The following MBNL1 variants were observed in gnomAD, a reference collection of about 807,000 sequenced individuals.
The protein encoded by MBNL1 is muscleblind like splicing regulator 1, also known as muscleblind-like protein 1.
Under a neutral mutation model 42.2 loss-of-function variants are expected in MBNL1, and 8 were observed. That is an observed-to-expected ratio of 0.19 (90% CI 0.11 to 0.34). The LOEUF (loss-of-function observed/expected upper bound fraction) is 0.34. MBNL1 is among the 10% of genes least tolerant of loss of function. MBNL1 has a pLI of 1.00. For missense variants in MBNL1, 309 were observed against 495.3 expected (o/e 0.62, Z 3.57); for synonymous variants, 169 against 173.9 (o/e 0.97, Z 0.22).
At chr3:152,403,741 C>T (rs1186117432) in intron 2 of MBNL1, among the ~76,000 whole-genome samples, 1 of 152,086 alleles carries the variant, frequency 6.6e-6, no homozygotes. Flanking sequence ...TTTCTTTACC[C>T]TTACTGCTTA....
intron 2 of MBNL1, among the ~76,000 whole-genome samples, chr3:152,360,235 A>G (rs9875093): frequency 6.6e-6 from 1 of 152,052 alleles, no homozygotes; most frequent in Non-Finnish European, 1.5e-5. Context: ...CTCCTCCAAT[A>G]AATCTTTCAT....
In MBNL1 at chr3:152,285,338, A is replaced by G. The variant is rs549559087; in HGVS notation, c.-789-14067A>G. Among the ~76,000 whole-genome samples, 10 of 152,326 alleles carry G rather than the reference A, an allele frequency of 6.6e-5. No homozygotes were observed. The South Asian group carries it at 1.9e-3, about 28-fold the overall frequency. ...TGAATGAAGTTTTACATTTGAAATC[A>G]GAAGAGCTGATTTGGAGTTCTGGTT... On this transcript the variant is annotated intron_variant, in intron 1 of 9. Transcript: ENST00000324210.
At chr3:152,300,951 C>G (rs1244352005) in intron 2 of MBNL1, 5 of 980,950 alleles carry the variant, frequency 5.1e-6, no homozygotes, top group Non-Finnish European at 6.1e-6. Flanking sequence ...AGCACCTTAC[C>G]TGAGGCACAA....
intron 2 of MBNL1, among the ~76,000 whole-genome samples, chr3:152,405,133 A>T (rs567219657): frequency 6.6e-6 from 1 of 152,320 alleles, no homozygotes; most frequent in South Asian, 2.1e-4. Flanking sequence ...AAAGGGTTGA[A>T]GACTTCCATT....
intron 6 of MBNL1, among the ~76,000 whole-genome samples, chr3:152,454,360 A>T (rs1729493025): frequency 6.6e-6 from 1 of 152,162 alleles, no homozygotes; most frequent in African/African-American, 2.4e-5. Flanking sequence ...CTCTGACGAG[A>T]TTCATTTGGC....
intron 2 of MBNL1, among the ~76,000 whole-genome samples, chr3:152,397,563 T>C (rs2098023755): frequency 6.6e-6 from 1 of 152,210 alleles, no homozygotes; most frequent in Non-Finnish European, 1.5e-5. Flanking sequence ...CTGCATAGTA[T>C]TCCATGGTGT....
intron 8 of MBNL1, chr3:152,458,229 C>T (rs370141989): frequency 5.3e-5 from 85 of 1,593,886 alleles, no homozygotes; most frequent in Non-Finnish European, 7.0e-5. Flanking sequence ...AGCACATTTT[C>T]GTGCCATTTG....
chr3:152,348,612 A>C lies in MBNL1; in HGVS notation c.174+48245A>C, dbSNP rs374841057. Among the ~76,000 whole-genome samples, 93 of 152,226 alleles carry C rather than the reference A, an allele frequency of 6.1e-4. No homozygotes were observed. The South Asian group carries it at 0.019, about 31-fold the overall frequency. ...AATCAGGAGATGAGAAAACACAAAT[A>C]ATAAGCAAAAGGGCAGTTAGTACTA... On this transcript the variant is annotated intron_variant, in intron 2 of 9. Transcript: ENST00000324210.
chr3:152,374,615 G>A (rs1183619081), intron 2 of MBNL1, among the ~76,000 whole-genome samples: 2 of 152,284 alleles, frequency 1.3e-5, no homozygotes, highest in Non-Finnish European at 1.5e-5. Flanking sequence ...GGCAGCATAC[G>A]AATACCAGGA....
At chr3:152,362,095 ACT>A (rs1296640059) in intron 2 of MBNL1, among the ~76,000 whole-genome samples, 4 of 152,068 alleles carry the variant, frequency 2.6e-5, no homozygotes, top group Admixed American at 1.3e-4. Context: ...TTGCTGCAAA[ACT>A]CTTTCTGTTG....
chr3:152,430,671 T>C (rs2098994936), intron 3 of MBNL1, among the ~76,000 whole-genome samples: 1 of 152,234 alleles, frequency 6.6e-6, no homozygotes, highest in South Asian at 2.1e-4. Flanking sequence ...CTTGTCCTGC[T>C]GTCACCTGGG....
intron 6 of MBNL1, among the ~76,000 whole-genome samples, chr3:152,448,660 A>C (rs950484012): frequency 4.6e-5 from 7 of 152,080 alleles, no homozygotes; most frequent in Non-Finnish European, 1.0e-4. Flanking sequence ...GTAGATATAT[A>C]TGTCAAAAAT....
intron 1 of MBNL1, among the ~76,000 whole-genome samples, chr3:152,282,675 A>T (rs1424195731): frequency 6.6e-6 from 1 of 152,128 alleles, no homozygotes; most frequent in African/African-American, 2.4e-5. Context: ...AAAAAAAATT[A>T]TTTATAGATG....
intron 2 of MBNL1, among the ~76,000 whole-genome samples, chr3:152,337,463 C>A (rs1370231117): frequency 6.6e-6 from 1 of 151,902 alleles, no homozygotes; most frequent in African/African-American, 2.4e-5. Flanking sequence ...ACTAAAAATA[C>A]AAAAATTAGC....
intron 2 of MBNL1, among the ~76,000 whole-genome samples, chr3:152,353,671 CTTTTTT>C (rs34931833): frequency 8.6e-5 from 10 of 116,462 alleles, no homozygotes; most frequent in Admixed American, 3.8e-4. Flanking sequence ...TCAACAAATC[CTTTTTT>C]TTTTTTTTTT....
chr3:152,369,994 G>A (rs558732062), intron 2 of MBNL1, among the ~76,000 whole-genome samples: 69 of 152,080 alleles, frequency 4.5e-4, no homozygotes, highest in African/African-American at 1.7e-3. Context: ...TTGGTTTTCC[G>A]TGTCTTTATC....
At chr3:152,355,080 C>T (rs1442279399) in intron 2 of MBNL1, among the ~76,000 whole-genome samples, 3 of 151,638 alleles carry the variant, frequency 2.0e-5, no homozygotes, top group Non-Finnish European at 2.9e-5. Flanking sequence ...TTTTTATGCT[C>T]AATACATTGA....
At chr3:152,353,569 T>A (rs561308086) in intron 2 of MBNL1, among the ~76,000 whole-genome samples, 1 of 152,084 alleles carries the variant, frequency 6.6e-6, no homozygotes, top group Non-Finnish European at 1.5e-5. Flanking sequence ...TAGATACCAC[T>A]GGGTAAATTC....
chr3:152,275,379 C>T (rs1420894937), intron 1 of MBNL1, among the ~76,000 whole-genome samples: 2 of 152,104 alleles, frequency 1.3e-5, no homozygotes, highest in Admixed American at 6.6e-5. Context: ...AGATACACCA[C>T]GAGTTCTTAT....
Sources: allele counts gnomAD v4.1 joint callset (sites outside exome capture counted in the v4.1 genomes callset), GRCh38; gene constraint gnomAD v4.1.1; transcripts MANE v1.5; gene names NCBI Gene and HGNC (gene_info 2026-07-23, HGNC 2026-07-21).